SLC14A2: variants seen among roughly 807,000 people sequenced by gnomAD.
SLC14A2 encodes the protein solute carrier family 14 member 2.
A neutral mutation model predicts 104.6 loss-of-function variants in SLC14A2; 91 were observed. The observed-to-expected ratio is 0.87, with a 90% CI of 0.73 to 1.04. The LOEUF (loss-of-function observed/expected upper bound fraction) is 1.04, where lower values mean the gene tolerates loss of function less well. SLC14A2 is among the 50% of genes least tolerant of loss of function. SLC14A2 has a pLI of 0.00. For synonymous variants in SLC14A2, 476 were observed against 466.4 expected (o/e 1.02, Z -0.27); for missense variants, 1,189 against 1,156.0 (o/e 1.03, Z -0.41).
intron 1 of SLC14A2, among the ~76,000 whole-genome samples, chr18:45,393,739 G>T (rs2085997575): frequency 6.6e-6 from 1 of 152,132 alleles, no homozygotes; most frequent in Non-Finnish European, 1.5e-5. Context: ...GGCCTGCTTT[G>T]CAGGCTGGAT....
At chr18:45,180,808 T>A in the SLC14A2 span, among the ~76,000 whole-genome samples, 6 of 152,124 alleles carry the variant, frequency 3.9e-5, no homozygotes, top group Non-Finnish European at 8.8e-5. Context: ...TCCTTTCAAG[T>A]CTCTGGGACA....
chr18:45,392,592 G>A (rs1262337029), intron 1 of SLC14A2, among the ~76,000 whole-genome samples: 1 of 152,022 alleles, frequency 6.6e-6, no homozygotes, highest in Non-Finnish European at 1.5e-5. Context: ...TATCTAAAAT[G>A]GTAAAATAAG....
chr18:45,392,556 T>C (rs993310574), intron 1 of SLC14A2, among the ~76,000 whole-genome samples: 2 of 152,236 alleles, frequency 1.3e-5, no homozygotes, highest in African/African-American at 2.4e-5. Context: ...AGATGTTATA[T>C]ACCATGCTTA....
At chr18:45,392,414 T>G (rs1219237669) in intron 1 of SLC14A2, among the ~76,000 whole-genome samples, 1 of 152,230 alleles carries the variant, frequency 6.6e-6, no homozygotes, top group Non-Finnish European at 1.5e-5. Flanking sequence ...AAAGCCTCAT[T>G]GCCCTCACAG....
intron 1 of SLC14A2, among the ~76,000 whole-genome samples, chr18:45,290,451 T>G (rs993748941): frequency 6.6e-6 from 1 of 152,108 alleles, no homozygotes; most frequent in Non-Finnish European, 1.5e-5. Context: ...ATGGCTGAGG[T>G]TGGCATGCAA....
At chr18:45,554,452 G>T (rs545927209) in intron 2 of SLC14A2, among the ~76,000 whole-genome samples, 8 of 152,068 alleles carry the variant, frequency 5.3e-5, no homozygotes, top group South Asian at 2.1e-4. Flanking sequence ...ATTTTACAAC[G>T]TTTGCCCTAA....
the SLC14A2 span, among the ~76,000 whole-genome samples, chr18:45,207,577 A>C: frequency 1.3e-5 from 2 of 152,158 alleles, no homozygotes; most frequent in African/African-American, 2.4e-5. Context: ...CTAAAATGGA[A>C]ATTTCAGTCA....
chr18:45,453,891 A>G (rs1194804370), intron 1 of SLC14A2, among the ~76,000 whole-genome samples: 17 of 108,892 alleles, frequency 1.6e-4, no homozygotes, highest in African/African-American at 5.5e-4. Context: ...ACAGAGTCTC[A>G]CTCTGTCACC....
chr18:45,605,687 G>A (rs796167754), intron 2 of SLC14A2, among the ~76,000 whole-genome samples: 2 of 152,216 alleles, frequency 1.3e-5, no homozygotes, highest in African/African-American at 4.8e-5. Flanking sequence ...TTAAACAGCT[G>A]GTAGGCAGCA....
chr18:45,660,104 G>A (rs1039204875), intron 10 of SLC14A2, among the ~76,000 whole-genome samples: 9 of 152,132 alleles, frequency 5.9e-5, no homozygotes, highest in Non-Finnish European at 8.8e-5. Flanking sequence ...TTGCACTCCA[G>A]CCTGGACAAT....
intron 1 of SLC14A2, among the ~76,000 whole-genome samples, chr18:45,262,118 T>C (rs1456145676): frequency 6.6e-6 from 1 of 152,218 alleles, no homozygotes; most frequent in Non-Finnish European, 1.5e-5. Context: ...TGTGAGATGG[T>C]ATCTCATTGT....
intron 1 of SLC14A2, among the ~76,000 whole-genome samples, chr18:45,324,131 C>T (rs181121869): frequency 6.6e-6 from 1 of 152,212 alleles, no homozygotes; most frequent in Admixed American, 6.5e-5. Context: ...TTTCCATGCC[C>T]CATATATTAC....
intron 1 of SLC14A2, among the ~76,000 whole-genome samples, chr18:45,269,154 C>T (rs969613413): frequency 6.6e-6 from 1 of 151,938 alleles, no homozygotes; most frequent in African/African-American, 2.4e-5. Flanking sequence ...CAAGGCTCTC[C>T]CCTTTCATTT....
intron 18 of SLC14A2, among the ~76,000 whole-genome samples, chr18:45,675,737 C>T (rs1352614833): frequency 9.6e-6 from 1 of 103,952 alleles, no homozygotes. Context: ...TTTGGAGAGA[C>T]AGGGCTGCAC....
chr18:45,652,824 C>T (rs1190642640), intron 10 of SLC14A2, among the ~76,000 whole-genome samples: 2 of 152,104 alleles, frequency 1.3e-5, no homozygotes, highest in Non-Finnish European at 2.9e-5. Flanking sequence ...ATTGCCCCAC[C>T]CTGAGTCTAG....
intron 2 of SLC14A2, among the ~76,000 whole-genome samples, chr18:45,567,071 TGTG>T (rs2044277071): frequency 2.7e-5 from 4 of 147,390 alleles, no homozygotes; most frequent in Non-Finnish European, 4.5e-5. Flanking sequence ...TGTGTGTGTG[TGTG>T]TGTGTGTGTG....
chr18:45,183,517 C>G, the SLC14A2 span, among the ~76,000 whole-genome samples: 1 of 152,096 alleles, frequency 6.6e-6, no homozygotes, highest in Non-Finnish European at 1.5e-5. Context: ...TTTCTTTAGC[C>G]CACATCCAAA....
intron 10 of SLC14A2, among the ~76,000 whole-genome samples, chr18:45,655,679 G>A (rs1004083810): frequency 5.9e-5 from 9 of 152,216 alleles, no homozygotes; most frequent in African/African-American, 1.9e-4. Context: ...AGAGCATGTG[G>A]AGAAAGAGAG....
chr18:45,500,490 T>A (rs1002078383), intron 2 of SLC14A2, among the ~76,000 whole-genome samples: 1 of 143,988 alleles, frequency 6.9e-6, no homozygotes, highest in Non-Finnish European at 1.5e-5. Flanking sequence ...GGCAGGAGAA[T>A]GGCGTGAACC....
Sources: gnomAD v4.1 joint callset for allele counts (sites outside exome capture counted in the v4.1 genomes callset) on GRCh38, gnomAD v4.1.1 for gene constraint, MANE v1.5 for transcripts, NCBI Gene and HGNC (gene_info 2026-07-23, HGNC 2026-07-21) for gene names.